CCDC171: variants seen among roughly 807,000 people sequenced by gnomAD.
The protein encoded by CCDC171 is coiled-coil domain containing 171, also known as coiled-coil domain-containing protein 171.
A neutral mutation model predicts 168.2 loss-of-function variants in CCDC171; 177 were observed. That is an observed-to-expected ratio of 1.05 (90% CI 0.93 to 1.19). The LOEUF is 1.19. Ranked by LOEUF, CCDC171 falls within the 50% of genes most tolerant of loss-of-function variation. The pLI is 0.00. For missense variants in CCDC171, 1,991 were observed against 1,539.0 expected (o/e 1.29, Z -4.91); for synonymous variants, 687 against 540.8 (o/e 1.27, Z -3.75).
intron 24 of CCDC171, among the ~76,000 whole-genome samples, chr9:15,904,498 G>T (rs1278874698): frequency 6.6e-6 from 1 of 151,594 alleles, no homozygotes; most frequent in Non-Finnish European, 1.5e-5. Flanking sequence ...CACCAGGCCT[G>T]CCCTAAAAGA....
intron 6 of CCDC171, among the ~76,000 whole-genome samples, chr9:15,614,359 T>C (rs1324090830): frequency 1.3e-5 from 2 of 152,158 alleles, no homozygotes; most frequent in African/African-American, 4.8e-5. Context: ...CTGAGGCAAT[T>C]GATTTTTGAA....
chr9:16,015,500 CA>C (rs1272407015), intron 3 of CCDC171, among the ~76,000 whole-genome samples: 1 of 152,146 alleles, frequency 6.6e-6, no homozygotes, highest in Non-Finnish European at 1.5e-5. Flanking sequence ...ATCTTTCAGC[CA>C]AGGTGGTCTC....
chr9:15,966,475 A>G (rs1830799260), intron 25 of CCDC171, among the ~76,000 whole-genome samples: 1 of 152,230 alleles, frequency 6.6e-6, no homozygotes. Flanking sequence ...CATTGATCCA[A>G]TCAATCTTCC....
chr9:15,734,649 T>G (rs928702077), intron 16 of CCDC171, among the ~76,000 whole-genome samples: 16 of 152,220 alleles, frequency 1.1e-4, no homozygotes, highest in African/African-American at 3.9e-4. Context: ...GCAATTTATT[T>G]TGGTATTATG....
At chr9:15,978,133 A>G (rs17260076), downstream of CCDC171, among the ~76,000 whole-genome samples, 2,237 of 152,294 alleles carry the variant, frequency 0.015, 27 homozygotes, top group Non-Finnish European at 0.022. Flanking sequence ...TAAAGACATC[A>G]GTTCATTCTG....
the CCDC171 span, among the ~76,000 whole-genome samples, chr9:16,080,739 C>T: frequency 1.2e-4 from 19 of 152,212 alleles, no homozygotes; most frequent in African/African-American, 4.1e-4. Context: ...TTTGTCTCTG[C>T]GCCCCTATCT....
intron 23 of CCDC171, among the ~76,000 whole-genome samples, chr9:15,851,070 C>T (rs117150354): frequency 6.6e-6 from 1 of 151,940 alleles, no homozygotes; most frequent in Non-Finnish European, 1.5e-5. Context: ...GAAGAAAGAA[C>T]TTGTTTTCCT....
chr9:16,077,695 AAG>A, the CCDC171 span, among the ~76,000 whole-genome samples: 1 of 152,162 alleles, frequency 6.6e-6, no homozygotes, highest in Non-Finnish European at 1.5e-5. Context: ...TCACAGATGT[AAG>A]AGGGGAAAAA....
intron 9 of CCDC171, among the ~76,000 whole-genome samples, chr9:15,678,239 G>A (rs1161400941): frequency 4.0e-5 from 6 of 151,834 alleles, no homozygotes; most frequent in Non-Finnish European, 7.4e-5. Flanking sequence ...ATAGGAAGGC[G>A]AATCCTTTGA....
At chr9:16,091,629 C>T in the CCDC171 span, among the ~76,000 whole-genome samples, 1 of 152,128 alleles carries the variant, frequency 6.6e-6, no homozygotes, top group Non-Finnish European at 1.5e-5. Flanking sequence ...TTCTAGGAAA[C>T]CCTGAAAGGC....
intron 3 of CCDC171, among the ~76,000 whole-genome samples, chr9:16,018,307 G>C (rs952029662): frequency 6.6e-6 from 1 of 152,112 alleles, no homozygotes; most frequent in Non-Finnish European, 1.5e-5. Context: ...CTGGAGACCC[G>C]GTGAAAGTGA....
At chr9:15,596,574 A>G (rs1004946247) in intron 6 of CCDC171, among the ~76,000 whole-genome samples, 1 of 152,054 alleles carries the variant, frequency 6.6e-6, no homozygotes, top group African/African-American at 2.4e-5. Flanking sequence ...GAAGTCAGGT[A>G]GCGTGATGCC....
Position 15,593,940 on chromosome 9 carries a change from C to T in CCDC171, c.544-101C>T, listed in dbSNP as rs1387234610. ...TAACATGAATTATGATGAGTTTTAA[C>T]ATCTATAGGTAAGGAGAGCCTCTTT... On this transcript the variant is annotated intron_variant, in intron 5 of 25. Transcript: ENST00000380701. The T allele has an allele frequency of 9.7e-6, 7 of 719,956 alleles. No individual in the cohort carries two copies. The African/African-American group carries it at 1.3e-4, about 13-fold the overall frequency. The allele number at this position is 719,956 out of a possible 1,614,324, so 44.6% of individuals were successfully genotyped here.
chr9:15,631,018 A>G (rs1321987283), intron 7 of CCDC171, among the ~76,000 whole-genome samples: 2 of 152,152 alleles, frequency 1.3e-5, no homozygotes, highest in Admixed American at 1.3e-4. Context: ...ACACATTCAA[A>G]GCAGTGTGTA....
At chr9:16,099,734 C>G in the CCDC171 span, among the ~76,000 whole-genome samples, 1 of 152,092 alleles carries the variant, frequency 6.6e-6, no homozygotes, top group African/African-American at 2.4e-5. Flanking sequence ...ATAGTCTCAA[C>G]AAGAAAGAGA....
intron 4 of CCDC171, among the ~76,000 whole-genome samples, chr9:15,583,906 C>T (rs943356820): frequency 1.3e-5 from 2 of 152,114 alleles, no homozygotes; most frequent in Admixed American, 6.6e-5. Context: ...CTCCCTCTTT[C>T]GCCCAGGCTG....
At chr9:15,874,883 T>C in intron 24 of CCDC171, 4 of 364,150 alleles carry the variant, frequency 1.1e-5, no homozygotes, top group Non-Finnish European at 1.8e-5. Flanking sequence ...AGAAAAGTGT[T>C]TTTACCAAGG....
the CCDC171 span, among the ~76,000 whole-genome samples, chr9:16,073,953 C>G: frequency 2.0e-5 from 3 of 152,208 alleles, 1 homozygote; most frequent in Non-Finnish European, 2.9e-5. Context: ...CACTGCTGCT[C>G]TCTGCCTTAC....
rs1252693963 is a variant in CCDC171, at chr9:15,832,522, A to C, written c.3268-14180A>C. Among the ~76,000 whole-genome samples, 3 of 152,234 alleles carry C rather than the reference A, an allele frequency of 2.0e-5. No individual in the cohort carries two copies. The East Asian group carries it at 5.8e-4, about 29-fold the overall frequency. On this transcript the variant is annotated intron_variant, in intron 21 of 25. Coordinates refer to ENST00000380701, the MANE Select transcript of CCDC171 (RefSeq NM_173550.4). ...TGTTACTATACTGAATGCTGTAGGC[A>C]ATTGTAACACAGTGGTAAGGATTTG... is the stretch of plus-strand genomic sequence containing the variant.
Sources: allele counts gnomAD v4.1 joint callset (sites outside exome capture counted in the v4.1 genomes callset), GRCh38; gene constraint gnomAD v4.1.1; transcripts MANE v1.5; gene names NCBI Gene and HGNC (gene_info 2026-07-23, HGNC 2026-07-21).